The following PDE7B variants were observed in gnomAD, a reference collection of about 807,000 sequenced individuals.
The protein encoded by PDE7B is phosphodiesterase 7B, also known as 3',5'-cyclic-AMP phosphodiesterase 7B.
In PDE7B, 29 loss-of-function variants were observed where a neutral mutation model predicts 56.2. The observed-to-expected ratio is 0.52, with a 90% CI of 0.38 to 0.70. The LOEUF (loss-of-function observed/expected upper bound fraction) is 0.70, where lower values mean the gene tolerates loss of function less well. Ranked by LOEUF, PDE7B falls within the 30% of genes least tolerant of loss-of-function variation. PDE7B has a pLI of 0.00. For synonymous variants in PDE7B, 197 were observed against 196.9 expected (o/e 1.00, Z 0.00); for missense variants, 490 against 565.0 (o/e 0.87, Z 1.35).
At chr6:135,862,387 T>C (rs1449361344) in intron 1 of PDE7B, among the ~76,000 whole-genome samples, 2 of 151,888 alleles carry the variant, frequency 1.3e-5, no homozygotes, top group Non-Finnish European at 3.0e-5. Flanking sequence ...TCATGTTATG[T>C]TATGCTCATT....
At chr6:136,113,187 T>C (rs1777775891) in intron 3 of PDE7B, among the ~76,000 whole-genome samples, 2 of 152,204 alleles carry the variant, frequency 1.3e-5, no homozygotes, top group Admixed American at 6.5e-5. Flanking sequence ...CGTGAGGTAA[T>C]GCATAAGTTA....
chr6:135,935,186 T>TTTTATATATATATATTTATATA (rs1404954510), intron 1 of PDE7B, among the ~76,000 whole-genome samples: 1 of 38,448 alleles, frequency 2.6e-5, no homozygotes, highest in East Asian at 1.1e-3. Flanking sequence ...ATATATATAT[T>TTTTATATATATATATTTATATA]TATTTATATA....
chr6:136,182,661 G>A (rs578059027), intron 11 of PDE7B, among the ~76,000 whole-genome samples: 3 of 152,300 alleles, frequency 2.0e-5, no homozygotes, highest in South Asian at 4.1e-4. Context: ...TTTGGATTCT[G>A]AGCACCTTGG....
intron 1 of PDE7B, among the ~76,000 whole-genome samples, chr6:135,908,202 C>T (rs910599889): frequency 1.3e-5 from 2 of 151,874 alleles, no homozygotes; most frequent in African/African-American, 4.8e-5. Context: ...AATTCTCCTG[C>T]CTCAACCTCC....
rs1301325374 is a variant in PDE7B at position 136,046,133 on chromosome 6, AAAG to A, written c.83-62591_83-62589del. The A allele has an allele frequency of 5.9e-5, 9 of 152,242 alleles. No homozygotes were observed. In the Middle Eastern group the frequency reaches 0.014, roughly 230 times the overall value. The allele number at this position is 152,242 out of a possible 1,614,324, so 9.4% of individuals were successfully genotyped here. A position where few individuals can be genotyped will look rare whatever the true frequency, so the allele number is the denominator to read the frequency against. ...TGCTGAAGAAAATAATTTAAAAAGA[AAAG>A]AAGAAGGGACAGGCAGACAGGCAGG... On this transcript the variant is annotated intron_variant, in intron 2 of 12. Transcript: ENST00000308191.
In PDE7B at chr6:136,155,704, G is replaced by A; in HGVS notation, c.657G>A (p.Gly219=). 1 of 1,613,980 alleles carries A rather than the reference G, an allele frequency of 6.2e-7. No homozygotes were observed. The highest frequency in any genetic ancestry group is 2.2e-5 in the East Asian group (1 of 44,872). The change falls in exon 8 of 13, where the codon GGG becomes GGA. Residue 219 remains glycine (G), a synonymous_variant. Coordinates refer to ENST00000308191, the MANE Select transcript of PDE7B (RefSeq NM_018945.4). Reference sequence around the variant, plus strand: ...CAGCACACGATGTGGACCACCCAGGGGTGAACCAGCCATTTTTGATAAAAA... The same window carrying A: ...CAGCACACGATGTGGACCACCCAGGAGTGAACCAGCCATTTTTGATAAAAA... ...AAAAHDVDHP[G]VNQPFLIKTN...
chr6:135,872,440 A>C (rs915531351), intron 1 of PDE7B, among the ~76,000 whole-genome samples: 6 of 152,170 alleles, frequency 3.9e-5, no homozygotes, highest in Non-Finnish European at 7.3e-5. Flanking sequence ...CACTGCAAAA[A>C]AAATCATACA....
At chr6:135,962,054 G>C (rs1473061161) in intron 2 of PDE7B, among the ~76,000 whole-genome samples, 1 of 152,134 alleles carries the variant, frequency 6.6e-6, no homozygotes, top group Non-Finnish European at 1.5e-5. Flanking sequence ...CTCTGATGGG[G>C]GAGGTTGACA....
At chr6:136,176,981 T>A (rs1474039734) in intron 9 of PDE7B, among the ~76,000 whole-genome samples, 1 of 152,150 alleles carries the variant, frequency 6.6e-6, no homozygotes, top group African/African-American at 2.4e-5. Context: ...CTGTTTTATA[T>A]AATTTTTTAT....
chr6:136,155,336 C>T (rs1778586018), intron 7 of PDE7B, among the ~76,000 whole-genome samples: 1 of 152,194 alleles, frequency 6.6e-6, no homozygotes, highest in South Asian at 2.1e-4. Flanking sequence ...AGCACTGTTG[C>T]CAACCAGCAA....
intron 2 of PDE7B, among the ~76,000 whole-genome samples, chr6:136,018,928 A>G (rs556352953): frequency 6.2e-4 from 95 of 152,106 alleles, no homozygotes; most frequent in African/African-American, 2.3e-3. Flanking sequence ...AGCATCTCCC[A>G]TGTTCAGCAG....
intron 2 of PDE7B, among the ~76,000 whole-genome samples, chr6:136,103,851 A>G (rs1306766069): frequency 6.6e-6 from 1 of 152,198 alleles, no homozygotes; most frequent in Non-Finnish European, 1.5e-5. Flanking sequence ...ACCTTGACAT[A>G]CCACGACAGG....
At chr6:135,978,932 G>C (rs1238542838) in intron 2 of PDE7B, among the ~76,000 whole-genome samples, 1 of 151,958 alleles carries the variant, frequency 6.6e-6, no homozygotes, top group African/African-American at 2.4e-5. Flanking sequence ...GGAGTGGTGA[G>C]AGAGGGCATC....
intron 3 of PDE7B, among the ~76,000 whole-genome samples, chr6:136,135,892 C>T (rs536171221): frequency 6.6e-5 from 10 of 152,026 alleles, no homozygotes; most frequent in Non-Finnish European, 1.5e-4. Flanking sequence ...CTTAGCACCT[C>T]GTCAAAGTCC....
intron 1 of PDE7B, among the ~76,000 whole-genome samples, chr6:135,866,047 T>C (rs939474488): frequency 6.6e-6 from 1 of 152,184 alleles, no homozygotes; most frequent in African/African-American, 2.4e-5. Context: ...TTGTATCTTA[T>C]TTTGTTTTCA....
chr6:136,181,761 T>TAAA (rs534092328), intron 11 of PDE7B, among the ~76,000 whole-genome samples: 9 of 146,026 alleles, frequency 6.2e-5, no homozygotes, highest in African/African-American at 2.2e-4. Flanking sequence ...CTTGCTTTCT[T>TAAA]AAAAAAAAAA....
At chr6:135,880,733 G>T (rs1775592867) in intron 1 of PDE7B, among the ~76,000 whole-genome samples, 2 of 152,192 alleles carry the variant, frequency 1.3e-5, no homozygotes, top group South Asian at 4.1e-4. Context: ...CTATGCAAAA[G>T]AAATCTTTCA....
chr6:135,903,296 G>C (rs942340540), intron 1 of PDE7B, among the ~76,000 whole-genome samples: 1 of 152,194 alleles, frequency 6.6e-6, no homozygotes, highest in Non-Finnish European at 1.5e-5. Context: ...TGAAGAAACT[G>C]AATTGTAAGG....
At chr6:135,971,335 C>G (rs752079436) in intron 2 of PDE7B, among the ~76,000 whole-genome samples, 2 of 152,192 alleles carry the variant, frequency 1.3e-5, no homozygotes, top group African/African-American at 4.8e-5. Context: ...TCTTAGACTT[C>G]TAGCCTTCCC....
Sources: allele counts gnomAD v4.1 joint callset (sites outside exome capture counted in the v4.1 genomes callset), GRCh38; gene constraint gnomAD v4.1.1; transcripts MANE v1.5; gene names NCBI Gene and HGNC (gene_info 2026-07-23, HGNC 2026-07-21).